The following ZNF652 variants were observed in gnomAD, a reference collection of about 807,000 sequenced individuals.
The protein encoded by ZNF652 is zinc finger protein 652.
Under a neutral mutation model 45.2 loss-of-function variants are expected in ZNF652, and 16 were observed. That is an observed-to-expected ratio of 0.35 (90% CI 0.24 to 0.54). The LOEUF is 0.54. Among genes scored for constraint, ZNF652 ranks in the 20% least tolerant of loss-of-function variants. The pLI, the probability that ZNF652 is intolerant of heterozygous loss-of-function variation, is 0.91. For missense variants in ZNF652, 614 were observed against 765.6 expected, an observed-to-expected ratio of 0.80 and a Z score of 2.34; for synonymous variants, 250 against 260.6, an observed-to-expected ratio of 0.96 and a Z score of 0.39.
chr17:49,310,098 C>T (rs1368726764), intron 5 of ZNF652, among the ~76,000 whole-genome samples: 4 of 152,254 alleles, frequency 2.6e-5, no homozygotes, highest in East Asian at 1.9e-4. Flanking sequence ...GGACCACAGG[C>T]GCCCACCACC....
chr17:49,343,689 A>G (rs576874997), intron 1 of ZNF652, among the ~76,000 whole-genome samples: 53 of 151,734 alleles, frequency 3.5e-4, no homozygotes, highest in Non-Finnish European at 6.0e-4. Context: ...CACAAATCCA[A>G]TGCGTGGTCA....
Position 49,297,412 on chromosome 17 carries a change from T to A in ZNF652, c.*1001A>T, listed in dbSNP as rs1360147394. ...TTCAAATTTTCAAAACATGCAAGCT[T>A]TAGGTGACTTCCCTGGAAAAGGCCC... On this transcript the variant is annotated 3_prime_UTR_variant, in exon 6 of 6. Transcript: ENST00000430262. 6.6e-6 allele frequency: 1 copy of A among 152,474 alleles called. No homozygotes were observed. The highest frequency in any genetic ancestry group is 1.5e-5 in the Non-Finnish European group (1 of 68,034). 9.4% of individuals were successfully genotyped at this position (152,474 alleles called of 1,614,324 possible). A position where few individuals can be genotyped will look rare whatever the true frequency, so the allele number is the denominator to read the frequency against.
chr17:49,349,861 T>C (rs1440365070), intron 1 of ZNF652, among the ~76,000 whole-genome samples: 2 of 152,184 alleles, frequency 1.3e-5, no homozygotes, highest in Admixed American at 6.5e-5. Context: ...TGTCACAAGA[T>C]AACTCTTAAA....
At chr17:49,346,519 C>T (rs1406388564) in intron 1 of ZNF652, among the ~76,000 whole-genome samples, 2 of 151,794 alleles carry the variant, frequency 1.3e-5, no homozygotes, top group Admixed American at 1.3e-4. Flanking sequence ...CCACTGTACT[C>T]CAGCCTGGGT....
At chr17:49,344,273 G>A (rs1175890654) in intron 1 of ZNF652, among the ~76,000 whole-genome samples, 1 of 151,660 alleles carries the variant, frequency 6.6e-6, no homozygotes, top group Non-Finnish European at 1.5e-5. Flanking sequence ...ACTGAGGCAG[G>A]AGGATCACTG....
At chr17:49,354,610 C>CAAAAA (rs562846972) in intron 1 of ZNF652, among the ~76,000 whole-genome samples, 1 of 112,012 alleles carries the variant, frequency 8.9e-6, no homozygotes. Flanking sequence ...GACTCCGCCT[C>CAAAAA]AAAAAAAAAA....
At chr17:49,322,885 A>G (rs193076394) in intron 1 of ZNF652, among the ~76,000 whole-genome samples, 177 of 151,822 alleles carry the variant, frequency 1.2e-3, no homozygotes, top group Non-Finnish European at 2.1e-3. Context: ...ACTCCGTCTC[A>G]ATAAATAAAT....
At chr17:49,331,121 C>CT (rs1291833601) in intron 1 of ZNF652, among the ~76,000 whole-genome samples, 41,808 of 115,662 alleles carry the variant, frequency 0.36, 8,630 homozygotes, top group Non-Finnish European at 0.47. Context: ...ATGAATGTGT[C>CT]TTTTTTTTTT....
Position 49,313,973 on chromosome 17 carries a change from CAAAAAAAAAAAAAAAAA to C in ZNF652, c.901-1145_901-1129del, listed in dbSNP as rs71144595. ...GGCAACAAAGAGCGAAACTCCATCT[CAAAAAAAAAAAAAAAAA>C]AAAAAAAAAAAAAAAAAAAAAAAGA... is the stretch of plus-strand genomic sequence containing the variant. On this transcript the variant is annotated intron_variant, in intron 2 of 5. Transcript: ENST00000430262. 3.5e-3 allele frequency among the ~76,000 whole-genome samples: 80 copies of C among 22,864 alleles called. 2 individuals carry two copies. Among genetic ancestry groups the C allele is most frequent in the South Asian group, 0.025 (12 of 488 alleles). The allele number at this position is 22,864 out of a possible 152,430, so 15.0% of individuals were successfully genotyped here. A position where few individuals can be genotyped will look rare whatever the true frequency, so the allele number is the denominator to read the frequency against.
Position 49,298,522 on chromosome 17 carries a change from G to A in ZNF652, c.1712C>T (p.Pro571Leu), listed in dbSNP as rs753274884. ...HLPIPPVPHLPPPPALFKSEP... is the reference protein window; with the variant it reads ...HLPIPPVPHLLPPPALFKSEP... ...ACTCTTAAAGAGAGCTGGAGGTGGCGGGAGGTGAGGGACTGGAGGGATGGG... is the reference window on the plus strand; with the variant it reads ...ACTCTTAAAGAGAGCTGGAGGTGGCAGGAGGTGAGGGACTGGAGGGATGGG... Residue 571 changes from proline (P) to leucine (L), a missense_variant, in exon 6 of 6, where the codon CCG (proline) becomes CTG (leucine). By Grantham distance (98) the Pro-to-Leu change is moderately conservative. Transcript: ENST00000430262. 2.0e-5 allele frequency: 33 copies of A among 1,612,548 alleles called. No homozygotes were observed. The East Asian group carries it at 2.7e-4, about 13-fold the overall frequency.
At chr17:49,357,374 T>C (rs1227186746) in intron 1 of ZNF652, among the ~76,000 whole-genome samples, 1 of 151,612 alleles carries the variant, frequency 6.6e-6, no homozygotes, top group Non-Finnish European at 1.5e-5. Flanking sequence ...AGGAACTACA[T>C]ATATAATCTA....
rs746773962 is a variant in ZNF652 at position 49,317,087 on chromosome 17, A to G, written c.639T>C (p.Arg213=). The change falls in exon 2 of 6, where the codon CGT becomes CGC. Residue 213 remains arginine (R), a synonymous_variant. Transcript: ENST00000430262. ...GCTTAGGTGGCTCTACACTCTTCCT[A>G]CGACCTCTTGTAGTTCTGGGAGTAG... ...TSPTPRTTRG[R]RKSVEPPKRK... The G allele has an allele frequency of 6.2e-7, 1 of 1,613,902 alleles. No individual in the cohort carries two copies. The highest frequency in any genetic ancestry group is 8.5e-7 in the Non-Finnish European group (1 of 1,179,994).
rs1438133548 is a variant in ZNF652, at chr17:49,290,883, A to C, written c.*7530T>G. ...AGTGGGATCTTTCTTTAGAAGGTTGAGAATAAAGCTAACGTACTTTATTGC... is the reference window on the plus strand; with the variant it reads ...AGTGGGATCTTTCTTTAGAAGGTTGCGAATAAAGCTAACGTACTTTATTGC... On this transcript the variant is annotated 3_prime_UTR_variant, in exon 6 of 6. Transcript: ENST00000430262. 2 of 152,230 alleles carry C rather than the reference A, an allele frequency of 1.3e-5. No homozygotes were observed. Among genetic ancestry groups the C allele is most frequent in the African/African-American group, 2.4e-5 (1 of 41,446 alleles). 9.4% of individuals were successfully genotyped at this position (152,230 alleles called of 1,614,324 possible).
At chr17:49,306,302 C>T (rs1162868309) in intron 5 of ZNF652, among the ~76,000 whole-genome samples, 2 of 152,132 alleles carry the variant, frequency 1.3e-5, no homozygotes, top group Non-Finnish European at 2.9e-5. Flanking sequence ...AAAGAAAATA[C>T]GTTGATAACT....
Position 49,311,352 on chromosome 17 carries a change from G to A in ZNF652, c.1269C>T (p.Asn423=). ...TGTGTTCGTCGAAGTACTGCTTCAT[G>A]TTGAAATCCTTGCCACACCACTGGC... ...FMCQWCGKDF[N]MKQYFDEHMK... is the part of the protein sequence containing the mutation. The change falls in exon 5 of 6, where the codon AAC becomes AAT. Residue 423 remains asparagine, a synonymous_variant. Transcript: ENST00000430262. 1 of 1,614,158 alleles carries A rather than the reference G, an allele frequency of 6.2e-7. No individual in the cohort carries two copies. Among genetic ancestry groups the A allele is most frequent in the Non-Finnish European group, 8.5e-7 (1 of 1,180,024 alleles).
At chr17:49,326,324 G>A (rs1373429501) in intron 1 of ZNF652, among the ~76,000 whole-genome samples, 1 of 150,976 alleles carries the variant, frequency 6.6e-6, no homozygotes, top group East Asian at 1.9e-4. Context: ...CAGGAGACAA[G>A]CAAAAAGCCA....
chr17:49,344,062 G>A (rs895412882), intron 1 of ZNF652, among the ~76,000 whole-genome samples: 2 of 152,020 alleles, frequency 1.3e-5, no homozygotes, highest in African/African-American at 2.4e-5. Context: ...TTAGCCGGGT[G>A]TGGTGGCGGG....
intron 1 of ZNF652, among the ~76,000 whole-genome samples, chr17:49,319,056 T>C (rs2069850998): frequency 6.6e-6 from 1 of 152,192 alleles, no homozygotes; most frequent in Non-Finnish European, 1.5e-5. Context: ...GAGGTTGATA[T>C]GGTTCCAAGA....
At chr17:49,312,131 T>A in intron 3 of ZNF652, 89 bp from the exon 4 acceptor site, 6 of 496,128 alleles carry the variant, frequency 1.2e-5, no homozygotes, top group East Asian at 8.3e-5. Flanking sequence ...AATTAGGCCA[T>A]CCTAATTTTC....
Sources: gnomAD v4.1 joint callset for allele counts (sites outside exome capture counted in the v4.1 genomes callset) on GRCh38, gnomAD v4.1.1 for gene constraint, MANE v1.5 for transcripts, NCBI Gene and HGNC (gene_info 2026-07-23, HGNC 2026-07-21) for gene names.